EPB41L1: variants seen among roughly 807,000 people sequenced by gnomAD.
EPB41L1 encodes band 4.1-like protein 1.
In EPB41L1, 29 loss-of-function variants were observed where a neutral mutation model predicts 97.8. The observed-to-expected ratio is 0.30, with a 90% CI of 0.22 to 0.40. The LOEUF is 0.40. EPB41L1 is among the 10% of genes least tolerant of loss of function. The pLI is 1.00. For synonymous variants in EPB41L1, 383 were observed against 459.2 expected (o/e 0.83, Z 2.12); for missense variants, 812 against 1,162.3 (o/e 0.70, Z 4.38).
chr20:36,118,352 C>T (rs1461608196), intron 2 of EPB41L1, among the ~76,000 whole-genome samples: 2 of 151,278 alleles, frequency 1.3e-5, no homozygotes, highest in South Asian at 2.1e-4. Context: ...GAACAAGACT[C>T]CATCTCAAAA....
intron 5 of EPB41L1, 151 bp downstream of exon 5, chr20:36,178,823 A>G (rs1830552): frequency 0.065 from 56,989 of 875,850 alleles, 3,601 homozygotes; most frequent in African/African-American, 0.27. Context: ...TTGCGAGGCT[A>G]AGGCGGGTGG....
chr20:36,098,858 C>A (rs877733), intron 1 of EPB41L1, among the ~76,000 whole-genome samples: 1 of 152,072 alleles, frequency 6.6e-6, no homozygotes, highest in Non-Finnish European at 1.5e-5. Flanking sequence ...TGGTTGCTCA[C>A]GCCTGTAATC....
intron 16 of EPB41L1, among the ~76,000 whole-genome samples, chr20:36,213,013 G>A (rs1481154775): frequency 6.6e-6 from 1 of 152,306 alleles, no homozygotes; most frequent in East Asian, 1.9e-4. Flanking sequence ...AGTTAAGATT[G>A]AGGATCTGAT....
chr20:36,219,373 G>C (rs1304164123), intron 18 of EPB41L1, among the ~76,000 whole-genome samples: 1 of 152,186 alleles, frequency 6.6e-6, no homozygotes, highest in Non-Finnish European at 1.5e-5. Context: ...TTCAGCTCTT[G>C]CATTCTCCAA....
At position 36,207,067 on chromosome 20, in the gene EPB41L1, A is replaced by G. The variant is rs1390379060; in HGVS notation, c.1669-2421A>G. On this transcript the variant is annotated intron_variant, in intron 14 of 21. Coordinates refer to ENST00000338074, the MANE Select transcript of EPB41L1 (RefSeq NM_012156.2). This position sits in a 1 kb window ranked among gnomAD's most constrained non-coding sequence, Gnocchi z 4.9. ...CCGCGAGGCTTCAGCATTTCTTCAC[A>G]TGGAGGTGATCATTCCCCTGCCAGC... 11 of 1,289,514 alleles carry G rather than the reference A, an allele frequency of 8.5e-6. No individual in the cohort carries two copies. Among genetic ancestry groups the G allele is most frequent in the Admixed American group, 4.6e-5 (2 of 43,540 alleles). 79.9% of individuals were successfully genotyped at this position (1,289,514 alleles called of 1,614,324 possible).
chr20:36,199,164 T>G (rs981457711), intron 14 of EPB41L1, among the ~76,000 whole-genome samples: 1 of 152,068 alleles, frequency 6.6e-6, no homozygotes, highest in Non-Finnish European at 1.5e-5. Context: ...AAATTCCCCT[T>G]TCCTAAATAA....
chr20:36,130,262 T>TG (rs3057823), intron 2 of EPB41L1, among the ~76,000 whole-genome samples: 7 of 151,924 alleles, frequency 4.6e-5, no homozygotes, highest in African/African-American at 1.5e-4. Flanking sequence ...TTTTGTTTTT[T>TG]TTAATTAAAA....
chr20:36,229,547 G>C lies in EPB41L1; in HGVS notation c.*207G>C, dbSNP rs1601150081. The C allele has an allele frequency of 2.2e-6, 1 of 449,140 alleles. No individual in the cohort carries two copies. The highest frequency in any genetic ancestry group is 4.0e-6 in the Non-Finnish European group (1 of 247,350). 27.8% of individuals were successfully genotyped at this position (449,140 alleles called of 1,614,324 possible). ...ACAGGAAACACCGCATCCTTGCACT[G>C]CTGCTGGGGCTGGCAGAGCAGTTGG... On this transcript the variant is annotated 3_prime_UTR_variant, in exon 22 of 22. Transcript: ENST00000338074.
chr20:36,224,662 T>A (rs568973603), intron 21 of EPB41L1, among the ~76,000 whole-genome samples: 29 of 152,292 alleles, frequency 1.9e-4, no homozygotes, highest in African/African-American at 3.4e-4. Context: ...AAAATAAAAT[T>A]AAATTAATTT....
At chr20:36,158,839 T>C (rs547821100) in intron 1 of EPB41L1, among the ~76,000 whole-genome samples, 1 of 152,318 alleles carries the variant, frequency 6.6e-6, no homozygotes, top group East Asian at 1.9e-4. Context: ...TCTCTCCCGC[T>C]TCTGTCTCTC....
chr20:36,172,282 T>C (rs1030642002), intron 1 of EPB41L1, among the ~76,000 whole-genome samples: 1 of 152,200 alleles, frequency 6.6e-6, no homozygotes, highest in Non-Finnish European at 1.5e-5. Flanking sequence ...TTTCACCATG[T>C]TGGCCAGGCT....
intron 14 of EPB41L1, chr20:36,200,817 C>T (rs572851515): frequency 3.8e-5 from 17 of 450,920 alleles, no homozygotes; most frequent in African/African-American, 2.2e-4. Flanking sequence ...CTGTCTCTGT[C>T]TCTCCTTCCC....
chr20:36,153,874 T>G (rs938525163), upstream of EPB41L1, among the ~76,000 whole-genome samples: 7 of 152,112 alleles, frequency 4.6e-5, no homozygotes, highest in African/African-American at 1.4e-4. Context: ...ACAGTGCTCC[T>G]GGAGGGGAGG....
chr20:36,110,563 C>A, intron 1 of EPB41L1: 1 of 153,248 alleles, frequency 6.5e-6, no homozygotes. Context: ...CACCCATTGG[C>A]CCCAGTTTGC....
rs773991484 is a variant in EPB41L1, at chr20:36,188,426, G to A, written c.953G>A (p.Arg318His). The A allele has an allele frequency of 3.1e-6, 5 of 1,613,938 alleles. No individual in the cohort carries two copies. The highest frequency in any genetic ancestry group is 1.3e-5 in the African/African-American group (1 of 74,964). ...TACCGGGACCGGCTGAGAATCAACC[G>A]CTTTGCCTGGCCCAAGATCCTCAAG... ...LIYRDRLRIN[R>H]FAWPKILKIS... is the part of the protein sequence containing the mutation. The change falls in exon 9 of 22, where the codon CGC (arginine) becomes CAC (histidine). Residue 318 changes from arginine to histidine, a missense_variant. Around this residue, in one of 3 missense-constraint regions of EPB41L1, gnomAD observed 230 missense variants for 445.2 expected, o/e 0.52. Coordinates refer to ENST00000338074, the MANE Select transcript of EPB41L1 (RefSeq NM_012156.2).
chr20:36,125,324 A>T, intron 2 of EPB41L1: 1 of 660,658 alleles, frequency 1.5e-6, no homozygotes, highest in East Asian at 2.7e-5. Flanking sequence ...CCTAAGAGTC[A>T]GATGCTTGGA....
chr20:36,208,054 T>C (rs899375387), intron 14 of EPB41L1, among the ~76,000 whole-genome samples: 3 of 152,114 alleles, frequency 2.0e-5, no homozygotes, highest in African/African-American at 7.2e-5. Context: ...ACAACCCCCA[T>C]GGAGAAGGTG....
intron 14 of EPB41L1, chr20:36,200,738 A>C (rs1194699860): frequency 8.0e-6 from 3 of 374,820 alleles, no homozygotes; most frequent in Admixed American, 3.2e-5. Context: ...ATGGGACTTA[A>C]AAAGCTGGGC....
chr20:36,128,129 G>A (rs1269553873), intron 2 of EPB41L1, among the ~76,000 whole-genome samples: 4 of 152,170 alleles, frequency 2.6e-5, no homozygotes, highest in African/African-American at 7.2e-5. Flanking sequence ...GGCCTAATTT[G>A]TCTACCTGCT....
Sources: allele counts gnomAD v4.1 joint callset (sites outside exome capture counted in the v4.1 genomes callset), GRCh38; gene constraint gnomAD v4.1.1; regional missense constraint gnomAD v4.1.1; non-coding constraint Gnocchi (gnomAD v3.1); transcripts MANE v1.5; gene names NCBI Gene and HGNC (gene_info 2026-07-23, HGNC 2026-07-21).